DLG5: variants seen among roughly 807,000 people sequenced by gnomAD.
DLG5 encodes the protein discs large MAGUK scaffold protein 5, also known as disks large homolog 5.
Under a neutral mutation model 189.8 loss-of-function variants are expected in DLG5, and 48 were observed. The ratio of observed to expected loss-of-function variants is 0.25; its 90% CI spans 0.20 to 0.32. The LOEUF (loss-of-function observed/expected upper bound fraction) is 0.32. DLG5 is among the 10% of genes least tolerant of loss of function. The probability of loss-of-function intolerance (pLI) is 1.00; values close to 1 mark genes in which losing one functional copy is unlikely to be tolerated. For synonymous variants in DLG5, 1,016 were observed against 1,054.1 expected (o/e 0.96, Z 0.70); for missense variants, 2,160 against 2,544.7 (o/e 0.85, Z 3.25).
intron 2 of DLG5, among the ~76,000 whole-genome samples, chr10:77,863,601 C>G (rs1038945203): frequency 6.6e-6 from 1 of 152,214 alleles, no homozygotes; most frequent in Admixed American, 6.5e-5. Context: ...CCAACAAAAG[C>G]TTCCAATGCA....
intron 1 of DLG5, among the ~76,000 whole-genome samples, chr10:77,912,103 G>A (rs949073950): frequency 1.3e-5 from 2 of 150,620 alleles, no homozygotes; most frequent in Non-Finnish European, 2.9e-5. Context: ...CAGGGAGGCT[G>A]AGGCAGGAGG....
At chr10:77,794,767 C>G in intron 30 of DLG5, 82 bp downstream of exon 30, 1 of 1,094,402 alleles carries the variant, frequency 9.1e-7, no homozygotes, top group Non-Finnish European at 1.4e-6. Flanking sequence ...ACCCCCCACC[C>G]CAACACACCC....
At chr10:77,851,688 C>T (rs1412327141) in intron 5 of DLG5, among the ~76,000 whole-genome samples, 1 of 152,302 alleles carries the variant, frequency 6.6e-6, no homozygotes, top group East Asian at 1.9e-4. Flanking sequence ...CTGAGCCTGC[C>T]CTGGTTACTC....
At chr10:77,850,386 T>TA (rs1843908403) in intron 5 of DLG5, among the ~76,000 whole-genome samples, 1 of 152,256 alleles carries the variant, frequency 6.6e-6, no homozygotes, top group Non-Finnish European at 1.5e-5. Flanking sequence ...CTGCATTCCT[T>TA]GTTATGCTGA....
intron 31 of DLG5, chr10:77,793,179 A>AC (rs1270257607): frequency 6.6e-6 from 1 of 152,570 alleles, no homozygotes; most frequent in Non-Finnish European, 1.5e-5. Context: ...TGCAAGACTT[A>AC]GAGTTTTAAA....
At chr10:77,914,063 A>C (rs919377142) in intron 1 of DLG5, among the ~76,000 whole-genome samples, 2 of 152,332 alleles carry the variant, frequency 1.3e-5, no homozygotes, top group African/African-American at 4.8e-5. Context: ...TCTGAAAATG[A>C]GCAGCATCTA....
chr10:77,812,191 T>C, intron 21 of DLG5, 24 bp downstream of exon 21: 1 of 1,606,608 alleles, frequency 6.2e-7, no homozygotes, highest in Non-Finnish European at 8.5e-7. Context: ...ATGGGCGCCA[T>C]GCAGGAGGGC....
At chr10:77,922,596 CCAGACAAGGAAT>C (rs1393882171) in intron 1 of DLG5, among the ~76,000 whole-genome samples, 1 of 152,140 alleles carries the variant, frequency 6.6e-6, no homozygotes, top group African/African-American at 2.4e-5. Context: ...AAAAACCACC[CCAGACAAGGAAT>C]CAGGGGCACT....
intron 1 of DLG5, among the ~76,000 whole-genome samples, chr10:77,914,616 T>C (rs1385372351): frequency 2.6e-5 from 4 of 151,914 alleles, no homozygotes; most frequent in Non-Finnish European, 5.9e-5. Context: ...GCTCCCTGGC[T>C]CCAAACCCAC....
rs1412408348 is a variant in DLG5, at chr10:77,830,256, G to A, written c.1970C>T (p.Thr657Ile). 2.5e-6 allele frequency: 4 copies of A among 1,614,156 alleles called. No individual in the cohort carries two copies. Among genetic ancestry groups the A allele is most frequent in the Non-Finnish European group, 3.4e-6 (4 of 1,180,038 alleles). ...CFPGDCGIFV[T>I]KVDKGSIADG... ...AGCAATGCTTCCTTTGTCCACTTTA[G>A]TGACAAATATGCCACAGTCCCCCGG... Residue 657 changes from threonine (T) to isoleucine (I), a missense_variant, in exon 11 of 32, where the codon ACT becomes ATT. Coordinates refer to ENST00000372391, the MANE Select transcript of DLG5 (RefSeq NM_004747.4).
chr10:77,794,688 G>A lies in DLG5; in HGVS notation c.5546+161C>T, dbSNP rs550061742. Among the ~76,000 whole-genome samples, 246 of 152,322 alleles carry A rather than the reference G, an allele frequency of 1.6e-3. 2 individuals carry two copies. The highest frequency in any genetic ancestry group is 6.8e-3 in the Middle Eastern group (2 of 294). On this transcript the variant is annotated intron_variant, in intron 30 of 31. Transcript: ENST00000372391. ...CCACCTCTGAGTAGGGGACAGGGCC[G>A]ACAGGGAAGGGTCATTTTCTACACG... is the stretch of plus-strand genomic sequence containing the variant.
At chr10:77,804,859 A>G (rs1841391499) in intron 27 of DLG5, among the ~76,000 whole-genome samples, 1 of 152,226 alleles carries the variant, frequency 6.6e-6, no homozygotes, top group Non-Finnish European at 1.5e-5. Flanking sequence ...ATGGCAAGCA[A>G]GGCACTCAGC....
chr10:77,847,287 G>A (rs1843743108), intron 5 of DLG5, among the ~76,000 whole-genome samples: 4 of 152,018 alleles, frequency 2.6e-5, no homozygotes, highest in Non-Finnish European at 4.4e-5. Flanking sequence ...GGCCACCCTC[G>A]GCCTGCTCCA....
At chr10:77,871,635 T>C (rs1844906285) in intron 1 of DLG5, among the ~76,000 whole-genome samples, 1 of 138,904 alleles carries the variant, frequency 7.2e-6, no homozygotes. Flanking sequence ...CTCCACCTCC[T>C]GGGTTCAAGC....
intron 4 of DLG5, among the ~76,000 whole-genome samples, 173 bp from the exon 5 acceptor site, chr10:77,853,710 A>G (rs1844093588): frequency 6.6e-6 from 1 of 152,202 alleles, no homozygotes; most frequent in Non-Finnish European, 1.5e-5. Flanking sequence ...TAACAGCCCA[A>G]TTCCAGAAAC....
the DLG5 span, among the ~76,000 whole-genome samples, chr10:77,935,505 C>T: frequency 6.6e-6 from 1 of 152,090 alleles, no homozygotes; most frequent in Non-Finnish European, 1.5e-5. Flanking sequence ...AGAGGCCCCA[C>T]TCTGGCCTTG....
Position 77,842,103 on chromosome 10 carries a change from G to T in DLG5, c.1215C>A (p.Thr405=). ...WEMELLQSEL[T]ELRTTQVKTA... is the part of the protein sequence containing the mutation. ...TCTTCACCTGCGTGGTTCTCAGCTC[G>T]GTCAGCTCTGACTGCAGCAGCTCCA... Residue 405 remains threonine, a synonymous_variant, in exon 7 of 32, where the codon ACC becomes ACA. Transcript: ENST00000372391. The T allele has an allele frequency of 2.5e-6, 4 of 1,613,308 alleles. No homozygotes were observed. The highest frequency in any genetic ancestry group is 1.1e-5 in the South Asian group (1 of 91,078).
intron 20 of DLG5, chr10:77,816,048 AT>A: frequency 2.2e-6 from 1 of 453,852 alleles, no homozygotes; most frequent in East Asian, 7.0e-5. Context: ...TCCTGTGTAT[AT>A]TTTATTTCAC....
Position 77,790,982 on chromosome 10 carries a change from A to T in DLG5, c.*1458T>A, listed in dbSNP as rs553317176. The T allele has an allele frequency of 2.0e-5, 3 of 152,502 alleles. No individual in the cohort carries two copies. In the South Asian group the frequency reaches 6.2e-4, roughly 32 times the overall value. 9.4% of individuals were successfully genotyped at this position (152,502 alleles called of 1,614,324 possible). ...AGAGGGTCTGCGAGTTAATACCTTG[A>T]GAATAGTCTACAGTTTTTCATAGTT... On this transcript the variant is annotated 3_prime_UTR_variant, in exon 32 of 32. Coordinates refer to ENST00000372391, the MANE Select transcript of DLG5 (RefSeq NM_004747.4).
Sources: allele counts gnomAD v4.1 joint callset (sites outside exome capture counted in the v4.1 genomes callset), GRCh38; gene constraint gnomAD v4.1.1; transcripts MANE v1.5; gene names NCBI Gene and HGNC (gene_info 2026-07-23, HGNC 2026-07-21).